The following GATB variants were observed in gnomAD, a reference collection of about 807,000 sequenced individuals.
GATB encodes glutamyl-tRNA(Gln) amidotransferase subunit B, mitochondrial.
Under a neutral mutation model 62.3 loss-of-function variants are expected in GATB, and 39 were observed. The ratio of observed to expected loss-of-function variants is 0.63; its 90% CI spans 0.48 to 0.82. The LOEUF (loss-of-function observed/expected upper bound fraction) is 0.82. GATB is among the 40% of genes least tolerant of loss of function. GATB has a pLI of 0.00. For missense variants in GATB, 670 were observed against 684.0 expected, an observed-to-expected ratio of 0.98 and a Z score of 0.23; for synonymous variants, 276 against 258.9, an observed-to-expected ratio of 1.07 and a Z score of -0.63.
rs1262609977 is a variant in GATB, at chr4:151,671,311, A to G, written c.1546-9T>C. Reference sequence around the variant, plus strand: ...TTCTTCACATCCATTACCTAGAAGGACAGAAATTACTTACTTAAGAGGAGA... The same window carrying G: ...TTCTTCACATCCATTACCTAGAAGGGCAGAAATTACTTACTTAAGAGGAGA... On this transcript the variant is annotated splice_polypyrimidine_tract_variant and intron_variant, in intron 12 of 12. Coordinates refer to ENST00000263985, the MANE Select transcript of GATB (RefSeq NM_004564.3). 1.3e-6 allele frequency: 2 copies of G among 1,557,876 alleles called. No homozygotes were observed. Among genetic ancestry groups the G allele is most frequent in the Non-Finnish European group, 1.7e-6 (2 of 1,164,574 alleles).
intron 2 of GATB, among the ~76,000 whole-genome samples, chr4:151,733,893 C>A (rs1328677044): frequency 6.6e-6 from 1 of 152,132 alleles, no homozygotes; most frequent in Non-Finnish European, 1.5e-5. Flanking sequence ...TCGACAAAAT[C>A]CAGCATCCCT....
At chr4:151,711,413 C>T (rs1323072153) in intron 5 of GATB, among the ~76,000 whole-genome samples, 5 of 152,214 alleles carry the variant, frequency 3.3e-5, no homozygotes, top group African/African-American at 1.2e-4. Context: ...TCACCTGATG[C>T]CACTGCTCCT....
chr4:151,723,578 C>T (rs1739072261), intron 2 of GATB: 1 of 152,124 alleles, frequency 6.6e-6, no homozygotes. Flanking sequence ...GATTTGTTTC[C>T]AGATGTTGAA....
Position 151,711,891 on chromosome 4 carries a change from C to G in GATB, c.764-3790G>C, listed in dbSNP as rs537881250. On this transcript the variant is annotated intron_variant, in intron 5 of 12. Transcript: ENST00000263985. ...TGGTTTCTGTCTCACACTAGGTTCCCGGTAAGTTCTACAGTTCCGTCTGAA... is the reference window on the plus strand; with the variant it reads ...TGGTTTCTGTCTCACACTAGGTTCCGGGTAAGTTCTACAGTTCCGTCTGAA... 4.3e-4 allele frequency among the ~76,000 whole-genome samples: 66 copies of G among 152,118 alleles called. 1 individual carries two copies. The highest frequency in any genetic ancestry group is 3.0e-3 in the Admixed American group (46 of 15,272).
In GATB at chr4:151,753,811, C is replaced by T. The variant is rs559716911; in HGVS notation, c.327+4961G>A. On this transcript the variant is annotated intron_variant, in intron 2 of 12. Transcript: ENST00000263985. ...CTCTCCAATATTAAGAAAGACATGA[C>T]CAATAAATGTTTTCTCTTGATTCTA... Among the ~76,000 whole-genome samples the T allele has an allele frequency of 7.2e-5, 11 of 152,058 alleles. No homozygotes were observed. In the South Asian group the frequency reaches 1.5e-3, roughly 20 times the overall value.
chr4:151,676,751 T>C (rs891873158), intron 11 of GATB, among the ~76,000 whole-genome samples: 1 of 152,208 alleles, frequency 6.6e-6, no homozygotes, highest in African/African-American at 2.4e-5. Flanking sequence ...TCCCAGCTTC[T>C]ATTTCTGATT....
chr4:151,686,664 C>CCCCGG (rs1738256368), intron 10 of GATB, among the ~76,000 whole-genome samples: 2 of 130,658 alleles, frequency 1.5e-5, no homozygotes, highest in African/African-American at 5.6e-5. Context: ...CCCCCCCCCA[C>CCCCGG]CCCCCAGTTT....
At chr4:151,735,247 A>C (rs111724634) in intron 2 of GATB, among the ~76,000 whole-genome samples, 2,390 of 151,930 alleles carry the variant, frequency 0.016, 60 homozygotes, top group African/African-American at 0.054. Context: ...AAAAAAAAAA[A>C]AAACAAACAA....
intron 9 of GATB, among the ~76,000 whole-genome samples, chr4:151,697,985 A>ATATATATATATATATATATATATATGTG (rs1560847802): frequency 6.5e-5 from 9 of 138,286 alleles, no homozygotes; most frequent in African/African-American, 2.6e-4. Flanking sequence ...ATATATATAT[A>ATATATATATATATATATATATATATGTG]TATATATATG....
At chr4:151,701,545 G>T in intron 8 of GATB, 27 bp from the exon 9 acceptor site, 1 of 1,412,124 alleles carries the variant, frequency 7.1e-7, no homozygotes, top group South Asian at 1.7e-5. Context: ...GACGGGACCT[G>T]AATCTGGAGT....
At chr4:151,685,623 C>G (rs1398803990) in intron 10 of GATB, among the ~76,000 whole-genome samples, 4 of 152,214 alleles carry the variant, frequency 2.6e-5, no homozygotes, top group Admixed American at 6.5e-5. Context: ...CCTGTTGAGC[C>G]TTGAAGACTC....
chr4:151,717,192 A>C (rs770157710), intron 3 of GATB, 118 bp from the exon 4 acceptor site: 6 of 962,562 alleles, frequency 6.2e-6, no homozygotes, highest in Non-Finnish European at 9.5e-6. Flanking sequence ...AAAAACAACA[A>C]GAAAAAAAGG....
chr4:151,703,678 ACTT>A, intron 8 of GATB, 170 bp downstream of exon 8: 1 of 627,718 alleles, frequency 1.6e-6, no homozygotes, highest in East Asian at 2.8e-5. Flanking sequence ...AGAAACTAGT[ACTT>A]CTCTCGGTAT....
At chr4:151,729,625 G>T (rs1178842816) in intron 2 of GATB, among the ~76,000 whole-genome samples, 1 of 151,298 alleles carries the variant, frequency 6.6e-6, no homozygotes, top group Non-Finnish European at 1.5e-5. Context: ...ATCCAAAGGA[G>T]GAAAAAAAAA....
intron 12 of GATB, chr4:151,672,533 A>G: frequency 1.9e-6 from 1 of 525,292 alleles, no homozygotes; most frequent in Non-Finnish European, 3.4e-6. Context: ...TGGAGAGTAA[A>G]CTCCAGGGGT....
At chr4:151,697,480 G>A (rs1738491927) in intron 9 of GATB, among the ~76,000 whole-genome samples, 1 of 151,916 alleles carries the variant, frequency 6.6e-6, no homozygotes, top group African/African-American at 2.4e-5. Context: ...GGAAGGGTGG[G>A]AGGGGAATAA....
chr4:151,749,349 T>C (rs1210582292), intron 2 of GATB, among the ~76,000 whole-genome samples: 4 of 152,320 alleles, frequency 2.6e-5, no homozygotes, highest in African/African-American at 4.8e-5. Context: ...GATAAGTTCA[T>C]GTCCTTTGTA....
chr4:151,694,886 C>A (rs1311390430), intron 9 of GATB, among the ~76,000 whole-genome samples: 1 of 152,206 alleles, frequency 6.6e-6, no homozygotes, highest in African/African-American at 2.4e-5. Context: ...TAACAACCAG[C>A]TGTAGTCATG....
chr4:151,719,402 G>T, intron 3 of GATB, 23 bp downstream of exon 3: 1 of 1,533,012 alleles, frequency 6.5e-7, no homozygotes, highest in Non-Finnish European at 9.0e-7. Flanking sequence ...CTTGCAGTGG[G>T]GTGGATCACA....
Sources: allele counts gnomAD v4.1 joint callset (sites outside exome capture counted in the v4.1 genomes callset), GRCh38; gene constraint gnomAD v4.1.1; transcripts MANE v1.5; gene names NCBI Gene and HGNC (gene_info 2026-07-23, HGNC 2026-07-21).